The following AMER2 variants were observed in gnomAD, a reference collection of about 807,000 sequenced individuals.
AMER2 encodes family with sequence similarity 123A.
A neutral mutation model predicts 4.7 loss-of-function variants in AMER2; 1 was observed. The ratio of observed to expected loss-of-function variants is 0.21; its 90% CI spans 0.07 to 1.00. The LOEUF (loss-of-function observed/expected upper bound fraction) is 1.00, where lower values mean the gene tolerates loss of function less well. Among genes scored for constraint, AMER2 ranks in the 50% least tolerant of loss-of-function variants. The pLI is 0.60. For missense variants in AMER2, 988 were observed against 966.9 expected, an observed-to-expected ratio of 1.02 and a Z score of -0.29; for synonymous variants, 485 against 433.3, an observed-to-expected ratio of 1.12 and a Z score of -1.48.
In AMER2 at chr13:25,169,763, T is replaced by C. The variant is rs780679320; in HGVS notation, c.1857A>G (p.Pro619=). The C allele has an allele frequency of 1.5e-5, 25 of 1,614,014 alleles. No individual in the cohort carries two copies. In the African/African-American group the frequency reaches 3.2e-4, roughly 21 times the overall value. ...GCTGGTGCACCACGGGATGGCTAGA[T>C]GGAAGGTTGGTCAGGTGCTTGATGC... The part of the protein sequence containing the change: ...PISIKHLTNL[P]SSHPVVHQQP... The change falls in exon 1 of 1, where the codon CCA becomes CCG. Residue 619 remains proline, a synonymous_variant. Coordinates refer to ENST00000515384, the MANE Select transcript of AMER2 (RefSeq NM_152704.4). This position sits in a 1 kb window ranked among gnomAD's most constrained non-coding sequence, Gnocchi z 4.2.
rs1956512981 is a variant in AMER2, at chr13:25,168,988, G to A, written c.*616C>T. 1 of 152,678 alleles carries A rather than the reference G, an allele frequency of 6.5e-6. No individual in the cohort carries two copies. The highest frequency in any genetic ancestry group is 2.1e-4 in the South Asian group (1 of 4,832). The allele number at this position is 152,678 out of a possible 1,614,324, so 9.5% of individuals were successfully genotyped here. A position where few individuals can be genotyped will look rare whatever the true frequency, so the allele number is the denominator to read the frequency against. ...CAATTTGCATATCTAACAACTGAAC[G>A]TAGGGAAGTTTTCTGCCAATCAGTG... On this transcript the variant is annotated 3_prime_UTR_variant, in exon 1 of 1. Transcript: ENST00000515384.
rs2137438712 is a variant in AMER2 at position 25,168,404 on chromosome 13, T to A, written c.*1200A>T. 6.6e-6 allele frequency: 1 copy of A among 152,322 alleles called. No individual in the cohort carries two copies. The highest frequency in any genetic ancestry group is 2.1e-4 in the South Asian group (1 of 4,824). The allele number at this position is 152,322 out of a possible 1,614,324, so 9.4% of individuals were successfully genotyped here. A position where few individuals can be genotyped will look rare whatever the true frequency, so the allele number is the denominator to read the frequency against. The stretch of plus-strand genomic sequence containing the variant: ...TGCACTCATTATATTGAGGAATGGT[T>A]GGATCTGAAATTTTACAATCAAGGT... On this transcript the variant is annotated 3_prime_UTR_variant, in exon 1 of 1. Transcript: ENST00000515384.
chr13:25,171,954 A>G lies in AMER2; in HGVS notation c.-335T>C, dbSNP rs1421897080. On this transcript the variant is annotated 5_prime_UTR_variant, in exon 1 of 1. Coordinates refer to ENST00000515384, the MANE Select transcript of AMER2 (RefSeq NM_152704.4). This position sits in a 1 kb window ranked among gnomAD's most constrained non-coding sequence, Gnocchi z 5.9. The stretch of plus-strand genomic sequence containing the variant: ...TAGACTCGCTCTTCACGGGAGCGCA[A>G]CCATGGATCACGAAATGCCTCTAAA... 2 of 322,230 alleles carry G rather than the reference A, an allele frequency of 6.2e-6. No homozygotes were observed. Among genetic ancestry groups the G allele is most frequent in the Non-Finnish European group, 1.1e-5 (2 of 179,974 alleles). The allele number at this position is 322,230 out of a possible 1,614,324, so 20.0% of individuals were successfully genotyped here.
chr13:25,168,455 G>A lies in AMER2; in HGVS notation c.*1149C>T, dbSNP rs138478520. The A allele has an allele frequency of 4.8e-4, 73 of 152,092 alleles. No homozygotes were observed. Among genetic ancestry groups the A allele is most frequent in the African/African-American group, 1.7e-3 (70 of 41,522 alleles). The allele number at this position is 152,092 out of a possible 1,614,324, so 9.4% of individuals were successfully genotyped here. A position where few individuals can be genotyped will look rare whatever the true frequency, so the allele number is the denominator to read the frequency against. On this transcript the variant is annotated 3_prime_UTR_variant, in exon 1 of 1. Coordinates refer to ENST00000515384, the MANE Select transcript of AMER2 (RefSeq NM_152704.4). ...AAAAAAAAATCTGAAAACAGGGTTT[G>A]GGGTGAGAAACAGACTCTTACCCAA...
In AMER2 at chr13:25,171,789, T is replaced by G; in HGVS notation, c.-170A>C. 7.7e-7 allele frequency: 1 copy of G among 1,290,966 alleles called. No homozygotes were observed. The highest frequency in any genetic ancestry group is 9.8e-7 in the Non-Finnish European group (1 of 1,018,032). 80.0% of individuals were successfully genotyped at this position (1,290,966 alleles called of 1,614,324 possible). A position where few individuals can be genotyped will look rare whatever the true frequency, so the allele number is the denominator to read the frequency against. ...GGCTTATATAATACCCTAACCCACTTCCATCCGACTTGGCTCGGCGCTGCA... is the reference window on the plus strand; with the variant it reads ...GGCTTATATAATACCCTAACCCACTGCCATCCGACTTGGCTCGGCGCTGCA... On this transcript the variant is annotated 5_prime_UTR_variant, in exon 1 of 1. Transcript: ENST00000515384. This position sits in a 1 kb window ranked among gnomAD's most constrained non-coding sequence, Gnocchi z 5.9.
Position 25,171,429 on chromosome 13 carries a change from T to C in AMER2, c.191A>G (p.Asn64Ser). 6.2e-7 allele frequency: 1 copy of C among 1,612,958 alleles called. No homozygotes were observed. The highest frequency in any genetic ancestry group is 8.5e-7 in the Non-Finnish European group (1 of 1,179,630). The change falls in exon 1 of 1, where the codon AAT (asparagine) becomes AGT (serine). Residue 64 changes from asparagine to serine, a missense_variant. Coordinates refer to ENST00000515384, the MANE Select transcript of AMER2 (RefSeq NM_152704.4). This position sits in a 1 kb window ranked among gnomAD's most constrained non-coding sequence, Gnocchi z 5.9. ...PAAEPPSGKI[N>S]KAAFKLFKKR... ...CTTGAATAATTTGAAGGCAGCTTTA[T>C]TAATCTTCCCCGACGGCGGCTCGGC...
Position 25,168,880 on chromosome 13 carries a change from G to A in AMER2, c.*724C>T, listed in dbSNP as rs1956511570. On this transcript the variant is annotated 3_prime_UTR_variant, in exon 1 of 1. Coordinates refer to ENST00000515384, the MANE Select transcript of AMER2 (RefSeq NM_152704.4). Reference sequence around the variant, plus strand: ...AGCAAAAGCAAAAGCCTGCTCTCCTGAGCCTTTTATATCTCCCCAAACAAA... The same window carrying A: ...AGCAAAAGCAAAAGCCTGCTCTCCTAAGCCTTTTATATCTCCCCAAACAAA... The A allele has an allele frequency of 6.6e-6, 1 of 152,596 alleles. No individual in the cohort carries two copies. Among genetic ancestry groups the A allele is most frequent in the South Asian group, 2.1e-4 (1 of 4,830 alleles). The allele number at this position is 152,596 out of a possible 1,614,324, so 9.5% of individuals were successfully genotyped here.
chr13:25,169,904 C>T lies in AMER2; in HGVS notation c.1716G>A (p.Gly572=). The change falls in exon 1 of 1, where the codon GGG becomes GGA. Residue 572 remains glycine (G), a synonymous_variant. Transcript: ENST00000515384. The surrounding 1 kb of genome is among the most constrained non-coding windows in gnomAD (Gnocchi z 4.2). ...GGGAGGACGTCTCCTCGTTGTCCTTCCCTCCAGGAAGGGTTGCTGGACTTC... is the reference window on the plus strand; with the variant it reads ...GGGAGGACGTCTCCTCGTTGTCCTTTCCTCCAGGAAGGGTTGCTGGACTTC... ...PDGSPATLPG[G]KDNEETSSLS... 1 of 1,614,138 alleles carries T rather than the reference C, an allele frequency of 6.2e-7. No individual in the cohort carries two copies. The highest frequency in any genetic ancestry group is 8.5e-7 in the Non-Finnish European group (1 of 1,180,012).
Position 25,171,808 on chromosome 13 carries a change from C to G in AMER2, c.-189G>C. Reference sequence around the variant, plus strand: ...CCCACTTCCATCCGACTTGGCTCGGCGCTGCATGGCGTTTTTGTGGCAGGA... The same window carrying G: ...CCCACTTCCATCCGACTTGGCTCGGGGCTGCATGGCGTTTTTGTGGCAGGA... On this transcript the variant is annotated 5_prime_UTR_variant, in exon 1 of 1. Coordinates refer to ENST00000515384, the MANE Select transcript of AMER2 (RefSeq NM_152704.4). This position sits in a 1 kb window ranked among gnomAD's most constrained non-coding sequence, Gnocchi z 5.9. 8.3e-7 allele frequency: 1 copy of G among 1,202,876 alleles called. No individual in the cohort carries two copies. Among genetic ancestry groups the G allele is most frequent in the Non-Finnish European group, 1.1e-6 (1 of 943,438 alleles). The allele number at this position is 1,202,876 out of a possible 1,614,324, so 74.5% of individuals were successfully genotyped here.
At position 25,162,398 on chromosome 13, in the gene AMER2, C is replaced by T. The variant is rs1566011083; in HGVS notation, c.*7206G>A. The stretch of plus-strand genomic sequence containing the variant: ...ATCAAAAGCATTTTCCCTGATATTC[C>T]TGATAGACCTACCACTATCAGATCC... On this transcript the variant is annotated 3_prime_UTR_variant, in exon 1 of 1. Coordinates refer to ENST00000515384, the MANE Select transcript of AMER2 (RefSeq NM_152704.4). 1 of 152,168 alleles carries T rather than the reference C, an allele frequency of 6.6e-6. No homozygotes were observed. Among genetic ancestry groups the T allele is most frequent in the Non-Finnish European group, 1.5e-5 (1 of 68,036 alleles). 9.4% of individuals were successfully genotyped at this position (152,168 alleles called of 1,614,324 possible).
At position 25,166,211 on chromosome 13, in the gene AMER2, G is replaced by A. The variant is rs924761512; in HGVS notation, c.*3393C>T. 6.6e-6 allele frequency: 1 copy of A among 152,130 alleles called. No homozygotes were observed. Among genetic ancestry groups the A allele is most frequent in the African/African-American group, 2.4e-5 (1 of 41,416 alleles). 9.4% of individuals were successfully genotyped at this position (152,130 alleles called of 1,614,324 possible). On this transcript the variant is annotated 3_prime_UTR_variant, in exon 1 of 1. Transcript: ENST00000515384. The stretch of plus-strand genomic sequence containing the variant: ...TTGTATTTAAATAAGCAGATAATTT[G>A]TGGAAAATGTATCTAAAGGAAGTCC...
chr13:25,171,574 G>A lies in AMER2; in HGVS notation c.46C>T (p.Arg16Cys), dbSNP rs757705946. The A allele has an allele frequency of 1.3e-6, 2 of 1,534,986 alleles. No individual in the cohort carries two copies. The highest frequency in any genetic ancestry group is 1.7e-6 in the Non-Finnish European group (2 of 1,153,710). ...CCCACGGACGCGCCAGCTCCGCCGC[G>A]CTCGCTGACAGCCCCGCCGCCGCCG... ...SRGGGGAVSERGGAGASVGVC... is the reference protein window; with the variant it reads ...SRGGGGAVSECGGAGASVGVC... The change falls in exon 1 of 1, where the codon CGC becomes TGC. Residue 16 changes from arginine (R) to cysteine (C), a missense_variant. Coordinates refer to ENST00000515384, the MANE Select transcript of AMER2 (RefSeq NM_152704.4). The surrounding 1 kb of genome is among the most constrained non-coding windows in gnomAD (Gnocchi z 5.9).
rs1381689713 is a variant in AMER2 at position 25,165,013 on chromosome 13, T to C, written c.*4591A>G. 6.6e-6 allele frequency: 1 copy of C among 152,242 alleles called. No homozygotes were observed. The highest frequency in any genetic ancestry group is 1.5e-5 in the Non-Finnish European group (1 of 68,048). The allele number at this position is 152,242 out of a possible 1,614,324, so 9.4% of individuals were successfully genotyped here. A position where few individuals can be genotyped will look rare whatever the true frequency, so the allele number is the denominator to read the frequency against. On this transcript the variant is annotated 3_prime_UTR_variant, in exon 1 of 1. Coordinates refer to ENST00000515384, the MANE Select transcript of AMER2 (RefSeq NM_152704.4). Reference sequence around the variant, plus strand: ...ACAGTCTATGCCCCATAAATATGTGTTGCATTGAATTAAAGTAAATATCCA... The same window carrying C: ...ACAGTCTATGCCCCATAAATATGTGCTGCATTGAATTAAAGTAAATATCCA...
rs763160513 is a variant in AMER2 at position 25,171,536 on chromosome 13, C to T, written c.84G>A (p.Arg28=). 1.9e-5 allele frequency: 30 copies of T among 1,588,606 alleles called. No homozygotes were observed. Among genetic ancestry groups the T allele is most frequent in the Admixed American group, 1.7e-5 (1 of 58,374 alleles). ...GAGASVGVCR[R]KAEAGAGTGT... ...CGGTCCCGGCCCCGGCCTCCGCCTT[C>T]CTCCTGCAGACCCCCACGGACGCGC... Residue 28 remains arginine, a synonymous_variant, in exon 1 of 1, where the codon AGG becomes AGA. Coordinates refer to ENST00000515384, the MANE Select transcript of AMER2 (RefSeq NM_152704.4). This position sits in a 1 kb window ranked among gnomAD's most constrained non-coding sequence, Gnocchi z 5.9.
In AMER2 at chr13:25,164,453, G is replaced by A. The variant is rs1184664975; in HGVS notation, c.*5151C>T. The A allele has an allele frequency of 1.3e-5, 2 of 150,546 alleles. No individual in the cohort carries two copies. The highest frequency in any genetic ancestry group is 1.5e-5 in the Non-Finnish European group (1 of 67,842). 9.3% of individuals were successfully genotyped at this position (150,546 alleles called of 1,614,324 possible). ...ATCTCAGACACAAAACTAATTTTCAGCTGCGTGGACATGGGTTAGCTCTTT... is the reference window on the plus strand; with the variant it reads ...ATCTCAGACACAAAACTAATTTTCAACTGCGTGGACATGGGTTAGCTCTTT... On this transcript the variant is annotated 3_prime_UTR_variant, in exon 1 of 1. Transcript: ENST00000515384.
At position 25,170,711 on chromosome 13, in the gene AMER2, A is replaced by G. The variant is rs746418616; in HGVS notation, c.909T>C (p.His303=). 2.0e-6 allele frequency: 3 copies of G among 1,490,150 alleles called. No homozygotes were observed. The highest frequency in any genetic ancestry group is 5.6e-5 in the East Asian group (2 of 35,402). The allele number at this position is 1,490,150 out of a possible 1,614,324, so 92.3% of individuals were successfully genotyped here. ...CCCCGGGCCCCGGCTCGGCGCGCCG[A>G]TGCCCCGCGGCGTCCTCTCCCCGGG... ...TGARGEDAAG[H]RRAEPGPGEV... Residue 303 remains histidine (H), a synonymous_variant, in exon 1 of 1, where the codon CAT becomes CAC. Coordinates refer to ENST00000515384, the MANE Select transcript of AMER2 (RefSeq NM_152704.4). The surrounding 1 kb of genome is among the most constrained non-coding windows in gnomAD (Gnocchi z 7.3).
rs985924881 is a variant in AMER2, at chr13:25,169,394, G to A, written c.*210C>T. On this transcript the variant is annotated 3_prime_UTR_variant, in exon 1 of 1. Coordinates refer to ENST00000515384, the MANE Select transcript of AMER2 (RefSeq NM_152704.4). The surrounding 1 kb of genome is among the most constrained non-coding windows in gnomAD (Gnocchi z 4.2). ...AATTCTCAGGGACTTATCTTGAGAG[G>A]AGAAACCCCCGTGTAGCATCCCTCT... 5.9e-6 allele frequency: 3 copies of A among 504,710 alleles called. No homozygotes were observed. Among genetic ancestry groups the A allele is most frequent in the East Asian group, 3.3e-5 (1 of 30,040 alleles). The allele number at this position is 504,710 out of a possible 1,614,324, so 31.3% of individuals were successfully genotyped here.
rs1325343736 is a variant in AMER2 at position 25,166,033 on chromosome 13, C to G, written c.*3571G>C. ...ACTCTTAGAAAATTCAAAGAAATCT[C>G]AACACCTGACATAGTCTTTTTACCT... On this transcript the variant is annotated 3_prime_UTR_variant, in exon 1 of 1. Transcript: ENST00000515384. 3.3e-5 allele frequency: 5 copies of G among 152,190 alleles called. No homozygotes were observed. The highest frequency in any genetic ancestry group is 7.3e-5 in the Non-Finnish European group (5 of 68,032). The allele number at this position is 152,190 out of a possible 1,614,324, so 9.4% of individuals were successfully genotyped here.
chr13:25,170,759 G>A lies in AMER2; in HGVS notation c.861C>T (p.Leu287=), dbSNP rs774512192. Residue 287 remains leucine, a synonymous_variant, in exon 1 of 1, where the codon CTC becomes CTT. Transcript: ENST00000515384. The surrounding 1 kb of genome is among the most constrained non-coding windows in gnomAD (Gnocchi z 7.3). ...GGGCGCCGGTGTCGCCGGGGTGCGC[G>A]AGGCCCTCTGCCTCTCGGCAGCTCC... The part of the protein sequence containing the change: ...PARSCREAEG[L]AHPGDTGARG... 7.2e-6 allele frequency: 10 copies of A among 1,393,722 alleles called. No homozygotes were observed. The highest frequency in any genetic ancestry group is 9.2e-6 in the Non-Finnish European group (10 of 1,084,080). 86.3% of individuals were successfully genotyped at this position (1,393,722 alleles called of 1,614,324 possible).
Sources: gnomAD v4.1 joint callset for allele counts on GRCh38, gnomAD v4.1.1 for gene constraint, Gnocchi (gnomAD v3.1) non-coding constraint, MANE v1.5 for transcripts, NCBI Gene and HGNC (gene_info 2026-07-23, HGNC 2026-07-21) for gene names.